OAS2: variants seen among roughly 807,000 people sequenced by gnomAD.
OAS2 encodes 2'-5'-oligoadenylate synthetase 2.
In OAS2, 67 loss-of-function variants were observed where a neutral mutation model predicts 71.3. That is an observed-to-expected ratio of 0.94 (90% confidence interval 0.77 to 1.15). The LOEUF (loss-of-function observed/expected upper bound fraction) is 1.15, where lower values mean the gene tolerates loss of function less well. Ranked by LOEUF, OAS2 falls within the 50% of genes most tolerant of loss-of-function variation. OAS2 has a pLI of 0.00. For missense variants in OAS2, 789 were observed against 822.5 expected (o/e 0.96, Z 0.50); for synonymous variants, 327 against 321.8 (o/e 1.02, Z -0.17).
intron 9 of OAS2, among the ~76,000 whole-genome samples, chr12:113,008,850 C>T (rs2136396659): frequency 6.6e-6 from 1 of 152,270 alleles, no homozygotes. Context: ...TGTTCTCGAA[C>T]TCCTGGCCCT....
chr12:113,009,290 C>A lies in OAS2; in HGVS notation c.*35C>A. The A allele has an allele frequency of 6.2e-7, 1 of 1,601,730 alleles. No individual in the cohort carries two copies. Among genetic ancestry groups the A allele is most frequent in the South Asian group, 1.1e-5 (1 of 89,494 alleles). On this transcript the variant is annotated 3_prime_UTR_variant, in exon 10 of 10. Transcript: ENST00000392583. ...TGTCTGGAAATAGCCCTGTAACAGG[C>A]TTGAATCAAAGAACTTCTCCTACTG...
chr12:113,001,887 A>AAAAAAAAAAAAAAAAAAAAAAAAT (rs56814612), intron 5 of OAS2, among the ~76,000 whole-genome samples: 2 of 110,716 alleles, frequency 1.8e-5, no homozygotes, highest in Non-Finnish European at 1.7e-5. Flanking sequence ...AAAAAAAAAA[A>AAAAAAAAAAAAAAAAAAAAAAAAT]AGCTAGGCGT....
intron 2 of OAS2, among the ~76,000 whole-genome samples, chr12:112,994,890 T>A (rs568580332): frequency 1.1e-4 from 16 of 152,352 alleles, no homozygotes; most frequent in Middle Eastern, 3.4e-3. Context: ...ATGGACTCAA[T>A]GACAGAATAT....
At chr12:112,992,900 C>A (rs2044203819) in intron 2 of OAS2, among the ~76,000 whole-genome samples, 1 of 152,114 alleles carries the variant, frequency 6.6e-6, no homozygotes, top group South Asian at 2.1e-4. Context: ...TCTTCCTGTT[C>A]CAAGTGCCAT....
At chr12:112,979,658 G>A (rs2044061405) in intron 1 of OAS2, among the ~76,000 whole-genome samples, 1 of 152,062 alleles carries the variant, frequency 6.6e-6, no homozygotes, top group Non-Finnish European at 1.5e-5. Flanking sequence ...AAAGTGCCCA[G>A]ATCAAAGTGT....
In OAS2 at chr12:113,011,453, G is replaced by A. The variant is rs999876783; in HGVS notation, c.*2198G>A. 1 of 152,170 alleles carries A rather than the reference G, an allele frequency of 6.6e-6. No homozygotes were observed. Among genetic ancestry groups the A allele is most frequent in the Non-Finnish European group, 1.5e-5 (1 of 68,028 alleles). The allele number at this position is 152,170 out of a possible 1,614,324, so 9.4% of individuals were successfully genotyped here. A position where few individuals can be genotyped will look rare whatever the true frequency, so the allele number is the denominator to read the frequency against. On this transcript the variant is annotated 3_prime_UTR_variant, in exon 10 of 10. Transcript: ENST00000392583. ...ACCCCCAATCTCCAAGGAGGTGATG[G>A]GGCTGGAAATTGAGTTCAATTTTAA... is the stretch of plus-strand genomic sequence containing the variant.
chr12:112,992,158 G>A (rs1191062883), intron 2 of OAS2, among the ~76,000 whole-genome samples: 1 of 152,070 alleles, frequency 6.6e-6, no homozygotes, highest in African/African-American at 2.4e-5. Flanking sequence ...GCTTTGGGAG[G>A]CTGAGGCAAG....
At chr12:112,985,115 T>G (rs926890072) in intron 1 of OAS2, among the ~76,000 whole-genome samples, 16 of 152,340 alleles carry the variant, frequency 1.1e-4, no homozygotes, top group Middle Eastern at 3.4e-3. Context: ...AGTTTGACTA[T>G]AATATGCCTG....
At chr12:113,001,686 AACACCACCAC>A in intron 5 of OAS2, among the ~76,000 whole-genome samples, 1 of 151,166 alleles carries the variant, frequency 6.6e-6, no homozygotes, top group Non-Finnish European at 1.5e-5. Flanking sequence ...CTCTAACTCC[AACACCACCAC>A]ACTCCAACTC....
At chr12:113,009,042 C>A in intron 9 of OAS2, 45 bp from the exon 10 acceptor site, 1 of 1,581,882 alleles carries the variant, frequency 6.3e-7, no homozygotes, top group South Asian at 1.2e-5. Context: ...ATTCTGAAGT[C>A]ACTGGGATTT....
chr12:112,984,748 G>A (rs1054362791), intron 1 of OAS2, among the ~76,000 whole-genome samples: 2 of 152,052 alleles, frequency 1.3e-5, no homozygotes, highest in African/African-American at 2.4e-5. Context: ...CTACCAGTGA[G>A]TTTTATACTT....
chr12:112,985,942 A>C (rs1007340025), intron 1 of OAS2, among the ~76,000 whole-genome samples: 2 of 152,264 alleles, frequency 1.3e-5, no homozygotes, highest in Non-Finnish European at 2.9e-5. Context: ...ACTATGCTCC[A>C]GCCTAGGTGA....
chr12:112,986,675 T>C (rs2044139351), intron 1 of OAS2, among the ~76,000 whole-genome samples: 1 of 151,912 alleles, frequency 6.6e-6, no homozygotes, highest in Non-Finnish European at 1.5e-5. Context: ...GTGCAGGTGC[T>C]GGCCGCAGGT....
chr12:113,007,404 G>A (rs1269748279), intron 8 of OAS2, among the ~76,000 whole-genome samples: 5 of 152,196 alleles, frequency 3.3e-5, no homozygotes, highest in African/African-American at 1.2e-4. Flanking sequence ...TGCATTGTGG[G>A]GAAGATTAGG....
At chr12:112,983,985 T>C (rs987515327) in intron 1 of OAS2, among the ~76,000 whole-genome samples, 1 of 152,192 alleles carries the variant, frequency 6.6e-6, no homozygotes, top group African/African-American at 2.4e-5. Context: ...TAATGCAGAC[T>C]AAGTCCAGTA....
At position 113,009,472 on chromosome 12, in the gene OAS2, T is replaced by G; in HGVS notation, c.*217T>G. On this transcript the variant is annotated 3_prime_UTR_variant, in exon 10 of 10. Transcript: ENST00000392583. ...GGTGCTGCGCAGCATCCCTAGTCTC[T>G]ACCCAGTAGATGCCACTAGCCCTCC... is the stretch of plus-strand genomic sequence containing the variant. The G allele has an allele frequency of 7.7e-7, 1 of 1,290,718 alleles. No individual in the cohort carries two copies. Among genetic ancestry groups the G allele is most frequent in the Non-Finnish European group, 9.8e-7 (1 of 1,018,774 alleles). The allele number at this position is 1,290,718 out of a possible 1,614,324, so 80.0% of individuals were successfully genotyped here. A position where few individuals can be genotyped will look rare whatever the true frequency, so the allele number is the denominator to read the frequency against.
At chr12:112,991,169 T>C (rs1390925490) in intron 2 of OAS2, among the ~76,000 whole-genome samples, 2 of 152,192 alleles carry the variant, frequency 1.3e-5, no homozygotes, top group African/African-American at 4.8e-5. Flanking sequence ...CCTATACTGT[T>C]CCTTTGCCTG....
chr12:113,003,921 C>T (rs2044309942), intron 6 of OAS2, among the ~76,000 whole-genome samples: 1 of 152,232 alleles, frequency 6.6e-6, no homozygotes, highest in Non-Finnish European at 1.5e-5. Flanking sequence ...TTGAAGGTCA[C>T]TGGAGTGAAA....
At chr12:112,984,571 G>T (rs1284392365) in intron 1 of OAS2, among the ~76,000 whole-genome samples, 2 of 152,116 alleles carry the variant, frequency 1.3e-5, no homozygotes, top group African/African-American at 2.4e-5. Context: ...TAAATTCAGG[G>T]TTGTTATTGA....
Sources: allele counts gnomAD v4.1 joint callset (sites outside exome capture counted in the v4.1 genomes callset), GRCh38; gene constraint gnomAD v4.1.1; transcripts MANE v1.5; gene names NCBI Gene and HGNC (gene_info 2026-07-23, HGNC 2026-07-21).